Variants in BCLAF1 observed in about 807,000 individuals in gnomAD.
The protein encoded by BCLAF1 is bcl-2-associated transcription factor 1.
BCLAF1 carries 10 observed loss-of-function variants against 99.5 expected under a neutral mutation model. The observed-to-expected ratio is 0.10, with a 90% CI of 0.06 to 0.17. BCLAF1 has a LOEUF of 0.17. Ranked by LOEUF, BCLAF1 falls within the 10% of genes least tolerant of loss-of-function variation. The pLI, the probability that BCLAF1 is intolerant of heterozygous loss-of-function variation, is 1.00. For synonymous variants in BCLAF1, 255 were observed against 370.9 expected (o/e 0.69, Z 3.59); for missense variants, 636 against 1,105.8 (o/e 0.58, Z 6.02).
intron 1 of BCLAF1, among the ~76,000 whole-genome samples, chr6:136,289,449 C>T (rs1385690911): frequency 6.6e-6 from 1 of 152,148 alleles, no homozygotes; most frequent in African/African-American, 2.4e-5. Flanking sequence ...CGGGAGGCCG[C>T]GCGGGCTGTG....
At position 136,260,724 on chromosome 6, in the gene BCLAF1, G is replaced by C. The variant is rs1281737663; in HGVS notation, c.*386C>G. ...TCTCTATAAACAATTTCTGTTCCAG[G>C]ATTTATATGTAGAGCTAACGTTTAC... On this transcript the variant is annotated 3_prime_UTR_variant, in exon 13 of 13. Coordinates refer to ENST00000531224, the MANE Select transcript of BCLAF1 (RefSeq NM_014739.3). 3.7e-6 allele frequency: 1 copy of C among 269,544 alleles called. No homozygotes were observed. Among genetic ancestry groups the C allele is most frequent in the Non-Finnish European group, 6.9e-6 (1 of 145,510 alleles). The allele number at this position is 269,544 out of a possible 1,614,324, so 16.7% of individuals were successfully genotyped here. A position where few individuals can be genotyped will look rare whatever the true frequency, so the allele number is the denominator to read the frequency against.
At position 136,272,138 on chromosome 6, in the gene BCLAF1, T is replaced by A. The variant is rs1307211297; in HGVS notation, c.1959-59A>T. The A allele has an allele frequency of 5.1e-6, 6 of 1,184,778 alleles. No homozygotes were observed. The East Asian group carries it at 1.3e-4, about 26-fold the overall frequency. 73.4% of individuals were successfully genotyped at this position (1,184,778 alleles called of 1,614,324 possible). A position where few individuals can be genotyped will look rare whatever the true frequency, so the allele number is the denominator to read the frequency against. ...TTATTAACTTTTTGGTTCAAAAACA[T>A]CCACACGATTATCCATTTTCCTAAG... is the stretch of plus-strand genomic sequence containing the variant. On this transcript the variant is annotated intron_variant, in intron 7 of 12. Transcript: ENST00000531224.
intron 1 of BCLAF1, among the ~76,000 whole-genome samples, chr6:136,282,946 G>C (rs951025448): frequency 6.6e-6 from 1 of 151,430 alleles, no homozygotes; most frequent in African/African-American, 2.4e-5. Flanking sequence ...AGTAATTTGA[G>C]CCTTAAAAAA....
intron 1 of BCLAF1, among the ~76,000 whole-genome samples, chr6:136,283,254 T>C (rs926007964): frequency 6.2e-5 from 9 of 145,084 alleles, no homozygotes; most frequent in African/African-American, 1.8e-4. Flanking sequence ...ACATCTAAAA[T>C]ATGAGTTTAA....
intron 11 of BCLAF1, among the ~76,000 whole-genome samples, chr6:136,264,113 T>A (rs1199542863): frequency 2.0e-5 from 3 of 152,068 alleles, no homozygotes; most frequent in African/African-American, 7.2e-5. Flanking sequence ...TGGCCCCAAC[T>A]CAAAAGCCTT....
chr6:136,289,038 G>A (rs1430242629), intron 1 of BCLAF1, among the ~76,000 whole-genome samples: 2 of 152,166 alleles, frequency 1.3e-5, no homozygotes, highest in African/African-American at 4.8e-5. Flanking sequence ...ACAGCAGGTT[G>A]CCGCGGGTAC....
chr6:136,260,103 T>C lies in BCLAF1; in HGVS notation c.*1007A>G, dbSNP rs956112232. 6.6e-6 allele frequency: 1 copy of C among 152,054 alleles called. No homozygotes were observed. Among genetic ancestry groups the C allele is most frequent in the African/African-American group, 2.4e-5 (1 of 41,442 alleles). The allele number at this position is 152,054 out of a possible 1,614,324, so 9.4% of individuals were successfully genotyped here. On this transcript the variant is annotated 3_prime_UTR_variant, in exon 13 of 13. Transcript: ENST00000531224. ...AAAAACAATTTTTTTAAAATACTATTAATGAACAGTATGCTGTGTTTCTCT... is the reference window on the plus strand; with the variant it reads ...AAAAACAATTTTTTTAAAATACTATCAATGAACAGTATGCTGTGTTTCTCT...
chr6:136,274,287 T>A, intron 6 of BCLAF1: 2 of 342,802 alleles, frequency 5.8e-6, no homozygotes, highest in Non-Finnish European at 8.8e-6. Flanking sequence ...TATGAAACAT[T>A]ACTACAGTTC....
At chr6:136,284,704 A>C (rs1167704723) in intron 1 of BCLAF1, among the ~76,000 whole-genome samples, 1 of 152,242 alleles carries the variant, frequency 6.6e-6, no homozygotes, top group Non-Finnish European at 1.5e-5. Flanking sequence ...CATGCCAGGC[A>C]CTACTATTCT....
intron 10 of BCLAF1, among the ~76,000 whole-genome samples, 168 bp from the exon 11 acceptor site, chr6:136,267,343 T>C (rs1234228359): frequency 6.6e-6 from 1 of 151,946 alleles, no homozygotes; most frequent in African/African-American, 2.4e-5. Flanking sequence ...AGGCAAAAAA[T>C]TTCTGCCAAC....
At chr6:136,283,623 G>A (rs112485547) in intron 1 of BCLAF1, among the ~76,000 whole-genome samples, 9 of 152,180 alleles carry the variant, frequency 5.9e-5, no homozygotes, top group African/African-American at 1.9e-4. Context: ...ATATACATCA[G>A]CACTCAAAGA....
At chr6:136,272,770 TATTTCACTAGAA>T (rs1304806277) in intron 7 of BCLAF1, among the ~76,000 whole-genome samples, 1 of 151,892 alleles carries the variant, frequency 6.6e-6, no homozygotes, top group African/African-American at 2.4e-5. Context: ...ATTTCACATT[TATTTCACTAGAA>T]ATTCGAAGGT....
At chr6:136,282,352 T>C (rs537410226) in intron 2 of BCLAF1, among the ~76,000 whole-genome samples, 8 of 152,144 alleles carry the variant, frequency 5.3e-5, no homozygotes, top group African/African-American at 1.9e-4. Context: ...TTAGTAGATG[T>C]GTTTATAGAA....
intron 1 of BCLAF1, 25 bp from the exon 2 acceptor site, chr6:136,282,712 T>C (rs1397772694): frequency 2.0e-5 from 3 of 152,204 alleles, no homozygotes; most frequent in Non-Finnish European, 4.4e-5. Context: ...AAAACCATTA[T>C]TGTGATTTAT....
intron 7 of BCLAF1, 101 bp from the exon 8 acceptor site, chr6:136,272,180 C>T (rs985264503): frequency 2.5e-6 from 2 of 785,266 alleles, no homozygotes; most frequent in East Asian, 2.8e-5. Flanking sequence ...ATTTCTCTCC[C>T]AATCAACTAA....
chr6:136,275,821 C>A, intron 5 of BCLAF1, 22 bp downstream of exon 5: 1 of 1,598,794 alleles, frequency 6.3e-7, no homozygotes, highest in Non-Finnish European at 8.5e-7. Context: ...AGATTATTTA[C>A]TGGGCATCAA....
chr6:136,266,348 G>C (rs1007008214), intron 11 of BCLAF1, among the ~76,000 whole-genome samples: 2 of 152,052 alleles, frequency 1.3e-5, no homozygotes, highest in Non-Finnish European at 2.9e-5. Flanking sequence ...AATACTTCTG[G>C]TAATAGTTTC....
chr6:136,283,624 C>T (rs532589806), intron 1 of BCLAF1, among the ~76,000 whole-genome samples: 1 of 152,230 alleles, frequency 6.6e-6, no homozygotes, highest in African/African-American at 2.4e-5. Context: ...TATACATCAG[C>T]ACTCAAAGAA....
Position 136,267,297 on chromosome 6 carries a change from C to T in BCLAF1, c.2398-122G>A, listed in dbSNP as rs1781841334. 5.1e-6 allele frequency: 6 copies of T among 1,168,978 alleles called. No homozygotes were observed. The East Asian group carries it at 1.0e-4, about 20-fold the overall frequency. 72.4% of individuals were successfully genotyped at this position (1,168,978 alleles called of 1,614,324 possible). A position where few individuals can be genotyped will look rare whatever the true frequency, so the allele number is the denominator to read the frequency against. ...CTAATTTCCTATCTAAATCTCATGGCCATTGAGGATGAAAAGGATGGCCAT... is the reference window on the plus strand; with the variant it reads ...CTAATTTCCTATCTAAATCTCATGGTCATTGAGGATGAAAAGGATGGCCAT... On this transcript the variant is annotated intron_variant, in intron 10 of 12. Transcript: ENST00000531224.
Sources: gnomAD v4.1 joint callset for allele counts (sites outside exome capture counted in the v4.1 genomes callset) on GRCh38, gnomAD v4.1.1 for gene constraint, MANE v1.5 for transcripts, NCBI Gene and HGNC (gene_info 2026-07-23, HGNC 2026-07-21) for gene names.